NINL: variants seen among roughly 807,000 people sequenced by gnomAD.
NINL encodes ninein like.
NINL carries 153 observed loss-of-function variants against 160.3 expected under a neutral mutation model. The observed-to-expected ratio is 0.95, with a 90% CI of 0.84 to 1.09. The LOEUF (loss-of-function observed/expected upper bound fraction) is 1.09. Among genes scored for constraint, NINL ranks in the 50% least tolerant of loss-of-function variants. NINL has a pLI of 0.00. For synonymous variants in NINL, 800 were observed against 734.8 expected (o/e 1.09, Z -1.43); for missense variants, 1,829 against 1,764.0 (o/e 1.04, Z -0.66).
Position 25,510,647 on chromosome 20 carries a change from G to A in NINL, c.517+27C>T. Reference sequence around the variant, plus strand: ...TCAAAGCTCTGGGCAAAGGCAGAGAGCACTGAATGCGAGGCTGAGGCTTTA... The same window carrying A: ...TCAAAGCTCTGGGCAAAGGCAGAGAACACTGAATGCGAGGCTGAGGCTTTA... On this transcript the variant is annotated intron_variant, in intron 5 of 23. Transcript: ENST00000278886. 2.5e-6 allele frequency: 4 copies of A among 1,605,276 alleles called. No individual in the cohort carries two copies. The Middle Eastern group carries it at 7.3e-4, about 293-fold the overall frequency.
chr20:25,538,980 C>A (rs1487629370), intron 1 of NINL, among the ~76,000 whole-genome samples: 1 of 152,184 alleles, frequency 6.6e-6, no homozygotes, highest in Admixed American at 6.5e-5. Context: ...TGCCCACTGA[C>A]CTGCAGTGTT....
At chr20:25,498,576 T>C (rs899425381) in intron 8 of NINL, among the ~76,000 whole-genome samples, 6 of 152,122 alleles carry the variant, frequency 3.9e-5, no homozygotes, top group Non-Finnish European at 8.8e-5. Context: ...CAGGGGTGCG[T>C]AGGCCCAGGC....
chr20:25,481,579 A>G (rs1389601408), intron 14 of NINL, among the ~76,000 whole-genome samples: 1 of 152,232 alleles, frequency 6.6e-6, no homozygotes, highest in Non-Finnish European at 1.5e-5. Flanking sequence ...ATCACCCAGA[A>G]GCAGCAAGGG....
At chr20:25,563,946 TG>T (rs1172132215) in intron 1 of NINL, among the ~76,000 whole-genome samples, 1 of 151,990 alleles carries the variant, frequency 6.6e-6, no homozygotes, top group African/African-American at 2.4e-5. Flanking sequence ...TGGCTGGGCG[TG>T]GTGGGTCATG....
intron 17 of NINL, among the ~76,000 whole-genome samples, chr20:25,470,438 CTGGGCGTGAGTCCTCAGG>C (rs2063067940): frequency 6.6e-6 from 1 of 152,236 alleles, no homozygotes; most frequent in African/African-American, 2.4e-5. Context: ...GTTGCCAGTG[CTGGGCGTGAGTCCTCAGG>C]TACTGCAGGG....
At chr20:25,566,088 CAT>C (rs1238776280) in intron 1 of NINL, among the ~76,000 whole-genome samples, 5 of 152,238 alleles carry the variant, frequency 3.3e-5, no homozygotes, top group African/African-American at 9.6e-5. Context: ...TCCACAGTCA[CAT>C]GAGTCAGTTC....
intron 18 of NINL, among the ~76,000 whole-genome samples, chr20:25,468,074 G>A (rs1403552946): frequency 4.0e-5 from 6 of 150,360 alleles, no homozygotes; most frequent in Non-Finnish European, 7.4e-5. Flanking sequence ...GCATAATTGG[G>A]AAAAAAAAAG....
intron 1 of NINL, among the ~76,000 whole-genome samples, chr20:25,577,896 G>A (rs1313026744): frequency 2.6e-5 from 4 of 151,026 alleles, no homozygotes; most frequent in East Asian, 1.9e-4. Context: ...GCAATGGCGC[G>A]ATCTCGGCTC....
intron 11 of NINL, 53 bp from the exon 12 acceptor site, chr20:25,490,038 T>C: frequency 6.8e-7 from 1 of 1,478,240 alleles, no homozygotes; most frequent in Non-Finnish European, 9.4e-7. Flanking sequence ...GGAGGGGATG[T>C]GTGCAGGATG....
intron 18 of NINL, among the ~76,000 whole-genome samples, chr20:25,467,859 G>C (rs1381942983): frequency 6.6e-6 from 1 of 152,116 alleles, no homozygotes; most frequent in Admixed American, 6.5e-5. Context: ...TGCATCTCCG[G>C]AGGTATGCCA....
In NINL at chr20:25,453,510, T is replaced by C. The variant is rs769227074; in HGVS notation, c.4090A>G (p.Lys1364Glu). 6.8e-6 allele frequency: 11 copies of C among 1,613,998 alleles called. No homozygotes were observed. The South Asian group carries it at 1.1e-4, about 16-fold the overall frequency. Residue 1364 changes from lysine to glutamate, a missense_variant, in exon 24 of 24, where the codon AAA becomes GAA. Physicochemically the swap from Lys to Glu is moderately conservative, Grantham distance 56 (BLOSUM62 1). Coordinates refer to ENST00000278886, the MANE Select transcript of NINL (RefSeq NM_025176.6). ...AEKQSRLLEE[K>E]VRALNKLVSR... ...ACGAGTTTGTTGAGAGCGCGAACTT[T>C]TTCTTCCAAGAGGCGGCTTTGTTTC...
chr20:25,543,475 T>C (rs1353372867), intron 1 of NINL, among the ~76,000 whole-genome samples: 1 of 152,162 alleles, frequency 6.6e-6, no homozygotes, highest in Non-Finnish European at 1.5e-5. Context: ...GGCAGGAGAA[T>C]AGGCTCTGGA....
intron 3 of NINL, 47 bp downstream of exon 3, chr20:25,517,706 G>A (rs1198137660): frequency 7.0e-7 from 1 of 1,420,014 alleles, no homozygotes; most frequent in Non-Finnish European, 9.7e-7. Flanking sequence ...CACTCCAAAA[G>A]TTAACAAACA....
At chr20:25,549,696 A>C (rs2064783955) in intron 1 of NINL, among the ~76,000 whole-genome samples, 1 of 152,228 alleles carries the variant, frequency 6.6e-6, no homozygotes, top group African/African-American at 2.4e-5. Context: ...CACTCAGCTG[A>C]GCAGTGTCAG....
intron 15 of NINL, 106 bp from the exon 16 acceptor site, chr20:25,479,312 G>A (rs1023579321): frequency 9.9e-5 from 141 of 1,425,794 alleles, no homozygotes; most frequent in Middle Eastern, 3.7e-4. Flanking sequence ...TGCAAAGACC[G>A]GCATCCTGGC....
At position 25,513,006 on chromosome 20, in the gene NINL, G is replaced by T; in HGVS notation, c.278C>A (p.Ala93Asp). 6.3e-7 allele frequency: 1 copy of T among 1,593,866 alleles called. No homozygotes were observed. Among genetic ancestry groups the T allele is most frequent in the Non-Finnish European group, 8.6e-7 (1 of 1,166,174 alleles). The stretch of plus-strand genomic sequence containing the variant: ...CTTTGGAGGGATGGCACTGGAGGCA[G>T]CTGGAAAGGAAACAGGAAATTTGGT... ...SDEDSSSLES[A>D]ASSAIPPKYV... is the part of the protein sequence containing the mutation. The change falls in exon 4 of 24, where the codon GCT (alanine) becomes GAT (aspartate). Residue 93 changes from alanine (A) to aspartate (D), a missense_variant and splice_region_variant. Coordinates refer to ENST00000278886, the MANE Select transcript of NINL (RefSeq NM_025176.6).
chr20:25,506,711 G>T (rs2063968876), intron 5 of NINL, among the ~76,000 whole-genome samples: 1 of 152,186 alleles, frequency 6.6e-6, no homozygotes, highest in African/African-American at 2.4e-5. Flanking sequence ...TACTGAAAGT[G>T]AAGATCACAA....
At chr20:25,512,028 C>T (rs2064078960) in intron 4 of NINL, among the ~76,000 whole-genome samples, 1 of 152,104 alleles carries the variant, frequency 6.6e-6, no homozygotes, top group Non-Finnish European at 1.5e-5. Flanking sequence ...GTGGACCTGC[C>T]CCATGGACAT....
In NINL at chr20:25,458,482, C is replaced by A. The variant is rs150090237; in HGVS notation, c.3744G>T (p.Leu1248Phe). 5.5e-5 allele frequency: 88 copies of A among 1,602,734 alleles called. No homozygotes were observed. The African/African-American group carries it at 9.7e-4, about 18-fold the overall frequency. The change falls in exon 22 of 24, where the codon TTG becomes TTT. Residue 1248 changes from leucine to phenylalanine, a missense_variant. Physicochemically the swap from Leu to Phe is conservative, Grantham distance 22. Transcript: ENST00000278886. Reference protein sequence around the residue: ...LRLRQAQAQHLQEVRLVPQDR... With the variant: ...LRLRQAQAQHFQEVRLVPQDR... The stretch of plus-strand genomic sequence containing the variant: ...CCTGGGGCACCAGCCGGACCTCCTG[C>A]AAGTGCTGGGCCTGGGCCTGCCTCA...
Sources: allele counts gnomAD v4.1 joint callset (sites outside exome capture counted in the v4.1 genomes callset), GRCh38; gene constraint gnomAD v4.1.1; transcripts MANE v1.5; gene names NCBI Gene and HGNC (gene_info 2026-07-23, HGNC 2026-07-21).